LNX1: variants seen among roughly 807,000 people sequenced by gnomAD.
LNX1 encodes ligand of numb-protein X 1.
Under a neutral mutation model 68.4 loss-of-function variants are expected in LNX1, and 54 were observed. The observed-to-expected ratio is 0.79, with a 90% CI of 0.63 to 0.99. LNX1 has a LOEUF of 0.99. Ranked by LOEUF, LNX1 falls within the 50% of genes least tolerant of loss-of-function variation. LNX1 has a pLI of 0.00. For missense variants in LNX1, 906 were observed against 926.4 expected, an observed-to-expected ratio of 0.98 and a Z score of 0.29; for synonymous variants, 336 against 350.0, an observed-to-expected ratio of 0.96 and a Z score of 0.45.
chr4:53,557,965 T>C (rs770920708), intron 2 of LNX1: 2 of 1,613,636 alleles, frequency 1.2e-6, no homozygotes, highest in Non-Finnish European at 8.5e-7. Flanking sequence ...AGCGCCTTCA[T>C]TCTCCGAGCA....
chr4:53,575,737 T>C, intron 1 of LNX1: 1 of 1,511,096 alleles, frequency 6.6e-7, no homozygotes, highest in Non-Finnish European at 8.8e-7. Flanking sequence ...GGGCCACAGC[T>C]CTGTATTGCA....
chr4:53,495,348 C>A (rs1381846645), intron 6 of LNX1, among the ~76,000 whole-genome samples: 1 of 152,106 alleles, frequency 6.6e-6, no homozygotes, highest in Non-Finnish European at 1.5e-5. Context: ...TGACATTATA[C>A]TGGTCAGAAA....
chr4:53,482,203 T>C (rs1723961359), intron 6 of LNX1, among the ~76,000 whole-genome samples: 1 of 152,188 alleles, frequency 6.6e-6, no homozygotes, highest in South Asian at 2.1e-4. Context: ...TAGAATTAGG[T>C]GCACTGTGTA....
At chr4:53,572,056 G>A (rs1422181318) in intron 2 of LNX1, among the ~76,000 whole-genome samples, 1 of 152,110 alleles carries the variant, frequency 6.6e-6, no homozygotes, top group Non-Finnish European at 1.5e-5. Context: ...TTGCAACACG[G>A]GACTGTGGTG....
chr4:53,519,756 C>A (rs539028008), intron 2 of LNX1, among the ~76,000 whole-genome samples: 1 of 152,150 alleles, frequency 6.6e-6, no homozygotes, highest in Non-Finnish European at 1.5e-5. Flanking sequence ...TTAATCTTCA[C>A]AACAACCTCA....
chr4:53,548,010 C>A (rs571357771), intron 2 of LNX1, among the ~76,000 whole-genome samples: 1 of 151,938 alleles, frequency 6.6e-6, no homozygotes, highest in African/African-American at 2.4e-5. Flanking sequence ...AACCTGGATC[C>A]TCCAGTTCCA....
chr4:53,627,502 A>G (rs1734122210), intron 1 of LNX1, among the ~76,000 whole-genome samples: 1 of 152,230 alleles, frequency 6.6e-6, no homozygotes, highest in Admixed American at 6.5e-5. Context: ...CTTATGTTGA[A>G]AGTAACTCAA....
intron 2 of LNX1, among the ~76,000 whole-genome samples, chr4:53,601,105 G>GC (rs1732994196): frequency 1.4e-5 from 2 of 143,560 alleles, no homozygotes; most frequent in Admixed American, 6.9e-5. Flanking sequence ...GAGGGAGGGA[G>GC]GGGGGGAGGG....
chr4:53,463,641 A>AGAG (rs1722382911), intron 9 of LNX1, among the ~76,000 whole-genome samples: 1 of 151,284 alleles, frequency 6.6e-6, no homozygotes, highest in Admixed American at 6.6e-5. Flanking sequence ...GGCCTATCGA[A>AGAG]GATTTGGCAT....
intron 1 of LNX1, among the ~76,000 whole-genome samples, chr4:53,642,151 G>A (rs1291406794): frequency 1.3e-5 from 2 of 149,956 alleles, no homozygotes; most frequent in Non-Finnish European, 2.9e-5. Flanking sequence ...GAGCTCAAAA[G>A]GTTGAGGCTG....
intron 7 of LNX1, 99 bp downstream of exon 7, chr4:53,481,621 T>C (rs962923196): frequency 1.1e-5 from 15 of 1,350,700 alleles, no homozygotes; most frequent in African/African-American, 1.5e-5. Flanking sequence ...TTTCTTTAAG[T>C]AAAAAAGTCC....
intron 1 of LNX1, among the ~76,000 whole-genome samples, chr4:53,638,105 T>A (rs1446333530): frequency 2.6e-5 from 4 of 152,366 alleles, no homozygotes; most frequent in Admixed American, 6.5e-5. Flanking sequence ...CATGATATAC[T>A]GCATTAATAC....
intron 2 of LNX1, among the ~76,000 whole-genome samples, chr4:53,517,159 C>T (rs983828641): frequency 5.3e-5 from 8 of 152,126 alleles, no homozygotes; most frequent in African/African-American, 1.9e-4. Context: ...CTGAGAGATT[C>T]TAAAAGCAGC....
intron 1 of LNX1, among the ~76,000 whole-genome samples, chr4:53,579,921 T>G (rs1731727896): frequency 6.6e-6 from 1 of 152,324 alleles, no homozygotes; most frequent in Non-Finnish European, 1.5e-5. Flanking sequence ...CCCTAAAGCA[T>G]CTCTGAAATT....
chr4:53,520,493 C>T (rs181558420), intron 2 of LNX1, among the ~76,000 whole-genome samples: 11 of 152,240 alleles, frequency 7.2e-5, no homozygotes, highest in East Asian at 3.9e-4. Flanking sequence ...TTGGGGTCAC[C>T]GAGTTCATTT....
chr4:53,501,469 G>C (rs1420033026), intron 4 of LNX1, among the ~76,000 whole-genome samples: 2 of 151,830 alleles, frequency 1.3e-5, no homozygotes, highest in East Asian at 1.9e-4. Context: ...ATTTTTTGTA[G>C]AGACAAAGTC....
intron 6 of LNX1, among the ~76,000 whole-genome samples, chr4:53,482,335 T>G (rs1014178337): frequency 1.3e-5 from 2 of 152,188 alleles, no homozygotes; most frequent in Non-Finnish European, 2.9e-5. Flanking sequence ...CTTGCAAATA[T>G]TTGGGCATAG....
chr4:53,623,654 C>G (rs1415190898), intron 1 of LNX1, among the ~76,000 whole-genome samples: 1 of 151,942 alleles, frequency 6.6e-6, no homozygotes, highest in East Asian at 1.9e-4. Flanking sequence ...ATCAAATTCT[C>G]AATTTGAAGT....
intron 9 of LNX1, among the ~76,000 whole-genome samples, chr4:53,473,493 C>T (rs1723371185): frequency 1.3e-5 from 2 of 152,182 alleles, no homozygotes; most frequent in Admixed American, 6.5e-5. Context: ...AAGATCATGT[C>T]TTTTGTGGGA....
Sources: allele counts gnomAD v4.1 joint callset (sites outside exome capture counted in the v4.1 genomes callset), GRCh38; gene constraint gnomAD v4.1.1; transcripts MANE v1.5; gene names NCBI Gene and HGNC (gene_info 2026-07-23, HGNC 2026-07-21).